CLSTN2: variants seen among roughly 807,000 people sequenced by gnomAD.
CLSTN2 encodes the protein calsyntenin-2.
In CLSTN2, 48 loss-of-function variants were observed where a neutral mutation model predicts 101.2. The observed-to-expected ratio is 0.47, with a 90% CI of 0.38 to 0.60. The LOEUF (loss-of-function observed/expected upper bound fraction) is 0.60. CLSTN2 is among the 20% of genes least tolerant of loss of function. The pLI is 0.00. For synonymous variants in CLSTN2, 481 were observed against 463.6 expected, an observed-to-expected ratio of 1.04 and a Z score of -0.48; for missense variants, 1,160 against 1,238.2, an observed-to-expected ratio of 0.94 and a Z score of 0.95.
At chr3:140,082,972 A>AG (rs2008623490) in intron 1 of CLSTN2, among the ~76,000 whole-genome samples, 3 of 152,138 alleles carry the variant, frequency 2.0e-5, no homozygotes, top group Admixed American at 2.0e-4. Context: ...CATCATTTCA[A>AG]CCAGAGGGCC....
At chr3:140,545,414 T>C (rs1935566657) in intron 9 of CLSTN2, among the ~76,000 whole-genome samples, 1 of 152,010 alleles carries the variant, frequency 6.6e-6, no homozygotes, top group Non-Finnish European at 1.5e-5. Flanking sequence ...CAGGAGAACC[T>C]GGAGGCAAAA....
intron 2 of CLSTN2, among the ~76,000 whole-genome samples, chr3:140,330,752 A>G (rs887549945): frequency 6.6e-6 from 1 of 152,204 alleles, no homozygotes; most frequent in African/African-American, 2.4e-5. Context: ...ATTCTGTGAA[A>G]ATAGCTGAGC....
chr3:140,403,921 A>T, intron 3 of CLSTN2, 97 bp downstream of exon 3: 1 of 1,036,464 alleles, frequency 9.6e-7, no homozygotes, highest in Admixed American at 2.6e-5. Context: ...CCCTCTTGTC[A>T]CACAATGGTG....
rs192679390 is a variant in CLSTN2, at chr3:140,532,344, C to G, written c.1365C>G (p.His455Gln). 2 of 1,606,816 alleles carry G rather than the reference C, an allele frequency of 1.2e-6. No individual in the cohort carries two copies. The highest frequency in any genetic ancestry group is 1.6e-4 in the Middle Eastern group (1 of 6,070). The change falls in exon 9 of 17, where the codon CAC becomes CAG. Residue 455 changes from histidine (H) to glutamine (Q), a missense_variant. By Grantham distance (24) the His-to-Gln change is conservative. Transcript: ENST00000458420. The part of the protein sequence containing the change: ...KLDQICDKEW[H>Q]YYVINVEFPV... Reference sequence around the variant, plus strand: ...CTTAGATTTGTGACAAAGAGTGGCACTACTATGTCATCAATGTGGAGTTTC... The same window carrying G: ...CTTAGATTTGTGACAAAGAGTGGCAGTACTATGTCATCAATGTGGAGTTTC...
chr3:140,237,655 T>C (rs2086429275), intron 2 of CLSTN2, among the ~76,000 whole-genome samples: 1 of 152,182 alleles, frequency 6.6e-6, no homozygotes, highest in Non-Finnish European at 1.5e-5. Flanking sequence ...AGCTGAGACA[T>C]AACATTTACC....
chr3:140,096,735 T>C (rs868141109), intron 1 of CLSTN2, among the ~76,000 whole-genome samples: 7 of 152,208 alleles, frequency 4.6e-5, no homozygotes, highest in African/African-American at 1.7e-4. Flanking sequence ...CCCAGGCTCC[T>C]GATTCAGAGT....
intron 1 of CLSTN2, among the ~76,000 whole-genome samples, chr3:140,032,051 T>C (rs982963640): frequency 6.6e-6 from 1 of 152,128 alleles, no homozygotes; most frequent in African/African-American, 2.4e-5. Flanking sequence ...CAAGCACAAG[T>C]AGAGGTGGGA....
intron 1 of CLSTN2, among the ~76,000 whole-genome samples, chr3:140,140,130 G>GTGATGA (rs2009674682): frequency 6.6e-6 from 1 of 152,180 alleles, no homozygotes; most frequent in Non-Finnish European, 1.5e-5. Flanking sequence ...AAGTTTCCAG[G>GTGATGA]TGATGCTGAT....
At chr3:140,199,862 A>T (rs529140019) in intron 2 of CLSTN2, among the ~76,000 whole-genome samples, 80 of 152,348 alleles carry the variant, frequency 5.3e-4, no homozygotes, top group African/African-American at 1.8e-3. Context: ...TAAACACTTA[A>T]TTAGACTTTA....
intron 1 of CLSTN2, among the ~76,000 whole-genome samples, chr3:140,150,077 C>T (rs968489260): frequency 3.3e-5 from 5 of 152,102 alleles, no homozygotes; most frequent in African/African-American, 1.2e-4. Flanking sequence ...GGTGAATATA[C>T]ATGTTTGTGG....
chr3:140,395,046 C>T (rs1320226737), intron 2 of CLSTN2, among the ~76,000 whole-genome samples: 1 of 152,110 alleles, frequency 6.6e-6, no homozygotes, highest in East Asian at 1.9e-4. Context: ...TGTATTCACC[C>T]AACAAATATT....
chr3:139,972,906 A>G (rs1278102671), intron 1 of CLSTN2, among the ~76,000 whole-genome samples: 1 of 152,224 alleles, frequency 6.6e-6, no homozygotes, highest in Non-Finnish European at 1.5e-5. Context: ...ATGGCCCTCC[A>G]GCATTTTTGG....
intron 2 of CLSTN2, among the ~76,000 whole-genome samples, chr3:140,264,375 AATATATATATATATATATATAT>A (rs61248635): frequency 0.063 from 6,196 of 98,488 alleles, 332 homozygotes; most frequent in Middle Eastern, 0.11. Flanking sequence ...TAATGAATCA[AATATATATATATATATATATAT>A]ATATATATAT....
At chr3:139,955,991 A>G (rs1295291713) in intron 1 of CLSTN2, among the ~76,000 whole-genome samples, 2 of 152,162 alleles carry the variant, frequency 1.3e-5, no homozygotes, top group African/African-American at 4.8e-5. Context: ...CCTGCCCTAC[A>G]GCTAACACTT....
intron 1 of CLSTN2, among the ~76,000 whole-genome samples, chr3:140,143,558 T>A (rs994872776): frequency 1.3e-5 from 2 of 152,182 alleles, no homozygotes; most frequent in African/African-American, 4.8e-5. Context: ...CACCCAGAAA[T>A]AATGGTTTAC....
chr3:140,147,410 T>G lies in CLSTN2; in HGVS notation c.110-28541T>G, dbSNP rs147422147. 5.8e-3 allele frequency among the ~76,000 whole-genome samples: 884 copies of G among 152,322 alleles called. 7 individuals are homozygous for G. Among genetic ancestry groups the G allele is most frequent in the Non-Finnish European group, 0.01 (709 of 68,018 alleles). ...TCCTTAGCTCAACTGCTTACACAGT[T>G]TTCCATAGTGCCAGCCCTGGCATCT... On this transcript the variant is annotated intron_variant, in intron 1 of 16. Transcript: ENST00000458420.
intron 1 of CLSTN2, among the ~76,000 whole-genome samples, chr3:139,958,674 G>A (rs1935451116): frequency 6.6e-6 from 1 of 151,712 alleles, no homozygotes; most frequent in Non-Finnish European, 1.5e-5. Flanking sequence ...GTGTGATTCT[G>A]TAGACTCGGG....
intron 2 of CLSTN2, among the ~76,000 whole-genome samples, chr3:140,333,587 T>C (rs528579875): frequency 6.6e-6 from 1 of 152,122 alleles, no homozygotes; most frequent in Non-Finnish European, 1.5e-5. Context: ...CTCAGTAGAA[T>C]TCTCTGCTAC....
At chr3:140,316,741 A>G (rs1443523521) in intron 2 of CLSTN2, among the ~76,000 whole-genome samples, 1 of 152,042 alleles carries the variant, frequency 6.6e-6, no homozygotes, top group African/African-American at 2.4e-5. Context: ...GTAATGTGTG[A>G]CCAGAAGCTG....
Sources: gnomAD v4.1 joint callset for allele counts (sites outside exome capture counted in the v4.1 genomes callset) on GRCh38, gnomAD v4.1.1 for gene constraint, MANE v1.5 for transcripts, NCBI Gene and HGNC (gene_info 2026-07-23, HGNC 2026-07-21) for gene names.